Variants in NTM observed in about 807,000 individuals in gnomAD.
NTM encodes the protein IgLON family member 2.
In NTM, 13 loss-of-function variants were observed where a neutral mutation model predicts 42.1. That is an observed-to-expected ratio of 0.31 (90% CI 0.20 to 0.49). NTM has a LOEUF of 0.49. Ranked by LOEUF, NTM falls within the 20% of genes least tolerant of loss-of-function variation. NTM has a pLI of 0.99. For synonymous variants in NTM, 187 were observed against 179.2 expected, an observed-to-expected ratio of 1.04 and a Z score of -0.35; for missense variants, 373 against 452.8, an observed-to-expected ratio of 0.82 and a Z score of 1.60.
chr11:132,233,054 CAGCTGGGCAG>C (rs2139067901), intron 4 of NTM, among the ~76,000 whole-genome samples: 1 of 152,320 alleles, frequency 6.6e-6, no homozygotes, highest in South Asian at 2.1e-4. Context: ...CGTTAGGACA[CAGCTGGGCAG>C]TGCAGGAATC....
rs77786685 is a variant in NTM at position 132,053,217 on chromosome 11, G to C, written c.168-93065G>C. Among the ~76,000 whole-genome samples the C allele has an allele frequency of 3.9e-5, 6 of 152,306 alleles. No homozygotes were observed. The East Asian group carries it at 1.2e-3, about 29-fold the overall frequency. On this transcript the variant is annotated intron_variant, in intron 2 of 8. Coordinates refer to ENST00000683400, the MANE Select transcript of NTM (RefSeq NM_001352005.2). The stretch of plus-strand genomic sequence containing the variant: ...ATGAAGACACAGGCTTAGAGAGATT[G>C]AGTAATGTGTCCAAGGTCACCCACC...
At position 131,697,751 on chromosome 11, in the gene NTM, C is replaced by T. The variant is rs369950934; in HGVS notation, c.83-213813C>T. Among the ~76,000 whole-genome samples, 8 of 152,290 alleles carry T rather than the reference C, an allele frequency of 5.3e-5. No homozygotes were observed. The South Asian group carries it at 8.3e-4, about 16-fold the overall frequency. On this transcript the variant is annotated intron_variant, in intron 1 of 8. Coordinates refer to ENST00000683400, the MANE Select transcript of NTM (RefSeq NM_001352005.2). The stretch of plus-strand genomic sequence containing the variant: ...TTACGTATTTCCACATGAATTCCTG[C>T]ATAGTCCCTCTTGCGTTATTTAATT...
intron 1 of NTM, among the ~76,000 whole-genome samples, chr11:131,699,352 A>AAGCTTATAATCT (rs766018697): frequency 7.9e-5 from 12 of 152,244 alleles, no homozygotes; most frequent in Admixed American, 3.9e-4. Context: ...TCTCTGATAT[A>AAGCTTATAATCT]AGCTTATAAT....
chr11:131,833,492 C>T (rs890478336), intron 1 of NTM, among the ~76,000 whole-genome samples: 1 of 152,172 alleles, frequency 6.6e-6, no homozygotes, highest in African/African-American at 2.4e-5. Flanking sequence ...GTCACACAGC[C>T]AGTAAGTGAC....
chr11:131,737,209 G>A (rs569991324), intron 1 of NTM, among the ~76,000 whole-genome samples: 4 of 152,186 alleles, frequency 2.6e-5, no homozygotes, highest in Non-Finnish European at 5.9e-5. Context: ...GTCTTGTGAG[G>A]TGAGCTCCAA....
At chr11:132,233,116 C>A (rs574984932) in intron 4 of NTM, among the ~76,000 whole-genome samples, 122 of 152,238 alleles carry the variant, frequency 8.0e-4, no homozygotes, top group Admixed American at 2.2e-3. Context: ...GGGATTGATA[C>A]CAGTTTTAGA....
chr11:131,989,736 C>T lies in NTM; in HGVS notation c.167+78088C>T, dbSNP rs73031526. Among the ~76,000 whole-genome samples the T allele has an allele frequency of 5.6e-3, 851 of 152,034 alleles. 7 individuals are homozygous for T. Among genetic ancestry groups the T allele is most frequent in the Non-Finnish European group, 8.3e-3 (563 of 67,934 alleles). The stretch of plus-strand genomic sequence containing the variant: ...ATACATGCACACACACACACACACA[C>T]ACACACATGAACACATACACATACA... On this transcript the variant is annotated intron_variant, in intron 2 of 8. Coordinates refer to ENST00000683400, the MANE Select transcript of NTM (RefSeq NM_001352005.2).
chr11:131,933,410 G>C lies in NTM; in HGVS notation c.167+21762G>C, dbSNP rs977069405. Among the ~76,000 whole-genome samples, 25 of 152,190 alleles carry C rather than the reference G, an allele frequency of 1.6e-4. 1 individual carries two copies. Among genetic ancestry groups the C allele is most frequent in the Non-Finnish European group, 8.8e-5 (6 of 68,032 alleles). On this transcript the variant is annotated intron_variant, in intron 2 of 8. Coordinates refer to ENST00000683400, the MANE Select transcript of NTM (RefSeq NM_001352005.2). The stretch of plus-strand genomic sequence containing the variant: ...CTTGTGTTTCAGCTGGGAGTTCCAT[G>C]TGCCTGACCATCTAGTTTCCCCGCC...
At chr11:131,818,415 A>G (rs1407330906) in intron 1 of NTM, among the ~76,000 whole-genome samples, 1 of 152,174 alleles carries the variant, frequency 6.6e-6, no homozygotes, top group East Asian at 1.9e-4. Context: ...AAGAGGGACT[A>G]TATCCCTCTT....
At chr11:131,787,380 T>TTATTATTATTATTAG (rs1491507971) in intron 1 of NTM, among the ~76,000 whole-genome samples, 1 of 142,070 alleles carries the variant, frequency 7.0e-6, no homozygotes, top group Non-Finnish European at 1.5e-5. Flanking sequence ...ATTATTATTA[T>TTATTATTATTATTAG]TTTATTTTTA....
intron 4 of NTM, among the ~76,000 whole-genome samples, chr11:132,213,311 G>A (rs1445035817): frequency 2.6e-5 from 4 of 152,080 alleles, no homozygotes; most frequent in South Asian, 2.1e-4. Context: ...AGGACATCTC[G>A]GCTGAGCCTA....
chr11:131,886,044 C>G (rs560905985), intron 1 of NTM, among the ~76,000 whole-genome samples: 174 of 152,186 alleles, frequency 1.1e-3, no homozygotes, highest in Non-Finnish European at 1.6e-3. Context: ...CTAGTTTTCC[C>G]AAGAGACCCC....
At chr11:131,734,042 A>T (rs907551218) in intron 1 of NTM, among the ~76,000 whole-genome samples, 1 of 152,210 alleles carries the variant, frequency 6.6e-6, no homozygotes, top group Non-Finnish European at 1.5e-5. Context: ...TAATTCTTAC[A>T]ATAGCAACTG....
chr11:131,694,669 C>T (rs901535634), intron 1 of NTM, among the ~76,000 whole-genome samples: 9 of 152,104 alleles, frequency 5.9e-5, no homozygotes, highest in South Asian at 2.1e-4. Context: ...GCTGGCAGTA[C>T]CTCCGAAGGA....
At chr11:131,549,457 A>G (rs2054361919) in intron 1 of NTM, among the ~76,000 whole-genome samples, 1 of 152,194 alleles carries the variant, frequency 6.6e-6, no homozygotes, top group Non-Finnish European at 1.5e-5. Flanking sequence ...AAAGAGTCAA[A>G]GGGTTGTCAA....
intron 2 of NTM, among the ~76,000 whole-genome samples, chr11:131,963,889 CAGAG>C (rs71475781): frequency 1.3e-5 from 2 of 152,120 alleles, no homozygotes; most frequent in Non-Finnish European, 2.9e-5. Flanking sequence ...GATCAGAAAA[CAGAG>C]AGAGAGTGTT....
intron 1 of NTM, among the ~76,000 whole-genome samples, chr11:131,505,783 G>A (rs1254383736): frequency 6.6e-6 from 1 of 152,194 alleles, no homozygotes; most frequent in African/African-American, 2.4e-5. Context: ...ACCCAGTTGA[G>A]AACTATCTTC....
At chr11:131,983,443 T>C (rs905410816) in intron 2 of NTM, among the ~76,000 whole-genome samples, 1 of 150,586 alleles carries the variant, frequency 6.6e-6, no homozygotes, top group Non-Finnish European at 1.5e-5. Flanking sequence ...TGGTGTGATC[T>C]TGGCTCACTG....
At chr11:131,638,774 G>A (rs1565361482) in intron 1 of NTM, among the ~76,000 whole-genome samples, 2 of 151,564 alleles carry the variant, frequency 1.3e-5, no homozygotes, top group African/African-American at 4.9e-5. Flanking sequence ...GGAAATCTTG[G>A]ACAATCTGTT....
Sources: allele counts gnomAD v4.1 joint callset (sites outside exome capture counted in the v4.1 genomes callset), GRCh38; gene constraint gnomAD v4.1.1; transcripts MANE v1.5; gene names NCBI Gene and HGNC (gene_info 2026-07-23, HGNC 2026-07-21).